Variants in NCOR2 observed in about 807,000 individuals in gnomAD.
NCOR2 encodes the protein CTG repeat protein 26.
Under a neutral mutation model 262.9 loss-of-function variants are expected in NCOR2, and 81 were observed. The ratio of observed to expected loss-of-function variants is 0.31; its 90% CI spans 0.26 to 0.37. NCOR2 has a LOEUF of 0.37. Among genes scored for constraint, NCOR2 ranks in the 10% least tolerant of loss-of-function variants. NCOR2 has a pLI of 1.00. For missense variants in NCOR2, 3,385 were observed against 3,621.4 expected (o/e 0.93, Z 1.68); for synonymous variants, 1,659 against 1,559.3 (o/e 1.06, Z -1.51).
intron 30 of NCOR2, 23 bp downstream of exon 32, chr12:124,347,802 G>A: frequency 5.8e-6 from 9 of 1,554,154 alleles, no homozygotes; most frequent in Non-Finnish European, 7.8e-6. Flanking sequence ...GGGGCAACGA[G>A]GGAGCAGGGA....
chr12:124,551,494 C>G (rs1463760564), intron 1 of NCOR2, among the ~76,000 whole-genome samples: 1 of 152,200 alleles, frequency 6.6e-6, no homozygotes, highest in Non-Finnish European at 1.5e-5. Flanking sequence ...TTGAAAGTCA[C>G]CTGTCATTTT....
chr12:124,352,980 C>T (rs1314539253), intron 27 of NCOR2, among the ~76,000 whole-genome samples: 3 of 152,240 alleles, frequency 2.0e-5, no homozygotes, highest in Non-Finnish European at 2.9e-5. Flanking sequence ...AGTTAATAAA[C>T]GGCTCTGTGC....
chr12:124,406,193 C>A (rs1026174956), intron 13 of NCOR2, among the ~76,000 whole-genome samples: 2 of 152,204 alleles, frequency 1.3e-5, no homozygotes, highest in African/African-American at 4.8e-5. Context: ...GTGAAAGCGG[C>A]CCTTATATCA....
At chr12:124,519,728 A>C (rs1233417501) in intron 1 of NCOR2, among the ~76,000 whole-genome samples, 1 of 152,174 alleles carries the variant, frequency 6.6e-6, no homozygotes, top group African/African-American at 2.4e-5. Flanking sequence ...AACAGTGGCC[A>C]CACACACCGA....
intron 1 of NCOR2, among the ~76,000 whole-genome samples, chr12:124,492,329 T>A (rs1184698532): frequency 6.6e-6 from 1 of 152,150 alleles, no homozygotes; most frequent in Non-Finnish European, 1.5e-5. Context: ...CCGTTCCACG[T>A]GGCTGTGAGC....
At chr12:124,334,456 G>T in exon 41 of NCOR2, 1 of 1,498,644 alleles carries the variant, frequency 6.7e-7, no homozygotes, top group East Asian at 2.6e-5. Context: ...GGGAGCCACG[G>T]GCCGGGGCAC....
intron 1 of NCOR2, among the ~76,000 whole-genome samples, chr12:124,519,089 T>TACACACACACATACACACACACACAC (rs58285194): frequency 0.016 from 1,554 of 97,230 alleles, 68 homozygotes; most frequent in Middle Eastern, 0.025. Flanking sequence ...GGCCAAATAA[T>TACACACACACATACACACACACACAC]ACACACACAC....
rs554540799 is a variant in NCOR2, at chr12:124,360,314, C to T, written c.3100+1812G>A. Reference sequence around the variant, plus strand: ...CCCAGTTCCAGCGAGACATCCCTGGCGTCATCCCCACACCGGGTTCAACGC... The same window carrying T: ...CCCAGTTCCAGCGAGACATCCCTGGTGTCATCCCCACACCGGGTTCAACGC... On this transcript the variant is annotated intron_variant, in intron 22 of 46. Coordinates refer to ENST00000405201, the Ensembl canonical transcript of NCOR2. Among the ~76,000 whole-genome samples the T allele has an allele frequency of 3.3e-5, 5 of 152,358 alleles. No individual in the cohort carries two copies. In the East Asian group the frequency reaches 5.8e-4, roughly 18 times the overall value.
chr12:124,450,272 T>C (rs528590569), intron 6 of NCOR2, among the ~76,000 whole-genome samples: 1 of 152,282 alleles, frequency 6.6e-6, no homozygotes, highest in East Asian at 1.9e-4. Context: ...CGCTGCAAGA[T>C]ACCACTCCAC....
chr12:124,325,016 A>T (rs1489032388), exon 47 of NCOR2: 3 of 164,290 alleles, frequency 1.8e-5, no homozygotes, highest in African/African-American at 4.8e-5. Context: ...AGCTCAGTTT[A>T]GACTTTGGTT....
In NCOR2 at chr12:124,523,721, T is replaced by G. The variant is rs1429708219; in HGVS notation, c.-118+11844A>C. On this transcript the variant is annotated intron_variant, in intron 1 of 46. Coordinates refer to the NCOR2 transcript ENST00000404621. This position sits in a 1 kb window ranked among gnomAD's most constrained non-coding sequence, Gnocchi z 4.0. ...TGTTGGGCTGCATTTAAAACCGTCC[T>G]GAGCCGCAGGTTGGACAAGCTTGCC... Among the ~76,000 whole-genome samples the G allele has an allele frequency of 6.6e-6, 1 of 152,080 alleles. No homozygotes were observed. The highest frequency in any genetic ancestry group is 1.5e-5 in the Non-Finnish European group (1 of 68,016).
exon 47 of NCOR2, chr12:124,325,451 G>A: frequency 3.7e-6 from 5 of 1,360,538 alleles, no homozygotes; most frequent in Non-Finnish European, 4.7e-6. Flanking sequence ...CAGTGGCTTG[G>A]GCTCCTCGTC....
chr12:124,516,385 G>A (rs1480127919), intron 1 of NCOR2, among the ~76,000 whole-genome samples: 1 of 152,202 alleles, frequency 6.6e-6, no homozygotes, highest in Non-Finnish European at 1.5e-5. Context: ...GCAGGCATGG[G>A]GGGAGACCTG....
intron 17 of NCOR2, among the ~76,000 whole-genome samples, chr12:124,383,917 G>A (rs2040596769): frequency 6.6e-6 from 1 of 152,148 alleles, no homozygotes; most frequent in African/African-American, 2.4e-5. Context: ...GTCTCTAGGG[G>A]TACAGTGGGG....
At position 124,566,264 on chromosome 12, in the gene NCOR2, C is replaced by A. The variant is rs1234278178; in HGVS notation, c.-165+1044G>T. Among the ~76,000 whole-genome samples the A allele has an allele frequency of 6.6e-6, 1 of 152,222 alleles. No homozygotes were observed. Among genetic ancestry groups the A allele is most frequent in the Non-Finnish European group, 1.5e-5 (1 of 68,044 alleles). On this transcript the variant is annotated intron_variant, in intron 1 of 32. Transcript: ENST00000458234. The surrounding 1 kb of genome is among the most constrained non-coding windows in gnomAD (Gnocchi z 4.3). Reference sequence around the variant, plus strand: ...AGGAGGCTGAGCCGACAGAACAGATCCGCCCCCGCTGCCTGCACCAGACCC... The same window carrying A: ...AGGAGGCTGAGCCGACAGAACAGATACGCCCCCGCTGCCTGCACCAGACCC...
chr12:124,498,830 G>A (rs1221524410), upstream of NCOR2, among the ~76,000 whole-genome samples: 4 of 152,226 alleles, frequency 2.6e-5, no homozygotes, highest in Non-Finnish European at 5.9e-5. Context: ...GGACGGCTGT[G>A]TCCTACACCA....
At chr12:124,526,474 G>T (rs573249799) in intron 1 of NCOR2, among the ~76,000 whole-genome samples, 1 of 152,302 alleles carries the variant, frequency 6.6e-6, no homozygotes, top group Admixed American at 6.5e-5. Context: ...CTGGAGTCTG[G>T]AGATATGGAG....
At chr12:124,385,499 AGGGTGG>A (rs1201952194) in intron 17 of NCOR2, among the ~76,000 whole-genome samples, 3 of 152,104 alleles carry the variant, frequency 2.0e-5, no homozygotes, top group Non-Finnish European at 4.4e-5. Context: ...AGTGGGGTGC[AGGGTGG>A]GGGTGGAGGG....
At chr12:124,369,452 G>C (rs1240463962) in intron 20 of NCOR2, among the ~76,000 whole-genome samples, 3 of 152,116 alleles carry the variant, frequency 2.0e-5, no homozygotes, top group Non-Finnish European at 4.4e-5. Flanking sequence ...GGGCAGCCAG[G>C]AGCAGGGGTC....
Sources: gnomAD v4.1 joint callset for allele counts (sites outside exome capture counted in the v4.1 genomes callset) on GRCh38, gnomAD v4.1.1 for gene constraint, Gnocchi (gnomAD v3.1) non-coding constraint, MANE v1.5 for transcripts, NCBI Gene and HGNC (gene_info 2026-07-23, HGNC 2026-07-21) for gene names.